DERA: variants seen among roughly 807,000 people sequenced by gnomAD.
DERA encodes 2-deoxy-D-ribose 5-phosphate aldolase.
Under a neutral mutation model 41.1 loss-of-function variants are expected in DERA, and 15 were observed. The observed-to-expected ratio is 0.37, with a 90% CI of 0.24 to 0.56. DERA has a LOEUF of 0.56. Among genes scored for constraint, DERA ranks in the 20% least tolerant of loss-of-function variants. The pLI, the probability that DERA is intolerant of heterozygous loss-of-function variation, is 0.81. For synonymous variants in DERA, 139 were observed against 137.4 expected, an observed-to-expected ratio of 1.01 and a Z score of -0.08; for missense variants, 396 against 403.4, an observed-to-expected ratio of 0.98 and a Z score of 0.16.
At position 15,938,101 on chromosome 12, in the gene DERA, A is replaced by T. The variant is rs1948381897; in HGVS notation, c.32-18835A>T. ...ACAATGAACACCTAAATATTTATTT[A>T]CTGACTTGGGTAAGAGTTGTAATAT... On this transcript the variant is annotated intron_variant, in intron 1 of 8. Transcript: ENST00000428559. The surrounding 1 kb of genome is among the most constrained non-coding windows in gnomAD (Gnocchi z 4.1). Among the ~76,000 whole-genome samples, 1 of 152,176 alleles carries T rather than the reference A, an allele frequency of 6.6e-6. No individual in the cohort carries two copies. The highest frequency in any genetic ancestry group is 1.5e-5 in the Non-Finnish European group (1 of 68,028).
rs201419659 is a variant in DERA, at chr12:15,936,799, GA to G, written c.32-20136del. Among the ~76,000 whole-genome samples the G allele has an allele frequency of 3.5e-3, 532 of 151,108 alleles. 3 individuals carry two copies. Among genetic ancestry groups the G allele is most frequent in the African/African-American group, 0.012 (507 of 41,062 alleles). On this transcript the variant is annotated intron_variant, in intron 1 of 8. Transcript: ENST00000428559. This position sits in a 1 kb window ranked among gnomAD's most constrained non-coding sequence, Gnocchi z 4.6. Reference sequence around the variant, plus strand: ...ATTGTCTCACCACCCGGATTTGTCTGATTATTTTCTAGTGATGTCATTTAAC... The same window carrying G: ...ATTGTCTCACCACCCGGATTTGTCTGTTATTTTCTAGTGATGTCATTTAAC...
Position 16,032,609 on chromosome 12 carries a change from A to T in DERA, c.705A>T (p.Val235=). The T allele has an allele frequency of 6.4e-7, 1 of 1,568,152 alleles. No individual in the cohort carries two copies. Among genetic ancestry groups the T allele is most frequent in the Non-Finnish European group, 8.7e-7 (1 of 1,155,216 alleles). ...TVNATFPVAI[V]MLRAIRDFFW... The stretch of plus-strand genomic sequence containing the variant: ...ATGCCACCTTCCCGGTAGCTATAGT[A>T]ATGCTGCGGGCCATTAGAGATTTCT... The change falls in exon 7 of 9, where the codon GTA becomes GTT. Residue 235 remains valine (V), a synonymous_variant. Coordinates refer to ENST00000428559, the MANE Select transcript of DERA (RefSeq NM_015954.4).
Position 15,996,478 on chromosome 12 carries a change from T to A in DERA, c.637+14042T>A, listed in dbSNP as rs1948838906. Reference sequence around the variant, plus strand: ...GACATACCTTGGCTTCACTCCAGTCTCTGCCTCTGTCACTAGATGGCTGTC... The same window carrying A: ...GACATACCTTGGCTTCACTCCAGTCACTGCCTCTGTCACTAGATGGCTGTC... On this transcript the variant is annotated intron_variant, in intron 6 of 8. Coordinates refer to ENST00000428559, the MANE Select transcript of DERA (RefSeq NM_015954.4). The surrounding 1 kb of genome is among the most constrained non-coding windows in gnomAD (Gnocchi z 4.7). Among the ~76,000 whole-genome samples, 1 of 152,140 alleles carries A rather than the reference T, an allele frequency of 6.6e-6. No homozygotes were observed. Among genetic ancestry groups the A allele is most frequent in the Non-Finnish European group, 1.5e-5 (1 of 68,026 alleles).
chr12:15,958,076 A>C (rs1481957331), intron 2 of DERA, 112 bp from the exon 3 acceptor site: 1 of 798,446 alleles, frequency 1.3e-6, no homozygotes, highest in East Asian at 2.8e-5. Flanking sequence ...TGTAGGCATA[A>C]GATATTAACA....
At position 15,972,947 on chromosome 12, in the gene DERA, A is replaced by G. The variant is rs573309022; in HGVS notation, c.509-9361A>G. 1.5e-4 allele frequency among the ~76,000 whole-genome samples: 23 copies of G among 152,316 alleles called. No homozygotes were observed. The highest frequency in any genetic ancestry group is 6.8e-3 in the Middle Eastern group (2 of 294). ...TCAACCTGATTTGGATGCTGTTTCA[A>G]ACATGCAGTCTGACCCCTTTCCCTC... On this transcript the variant is annotated intron_variant, in intron 5 of 8. Coordinates refer to ENST00000428559, the MANE Select transcript of DERA (RefSeq NM_015954.4). The surrounding 1 kb of genome is among the most constrained non-coding windows in gnomAD (Gnocchi z 4.4).
At chr12:15,963,567 C>T (rs1006134426) in intron 5 of DERA, among the ~76,000 whole-genome samples, 4 of 151,980 alleles carry the variant, frequency 2.6e-5, no homozygotes, top group Non-Finnish European at 5.9e-5. Context: ...TAGATTTTAC[C>T]TCTGTCTTAA....
rs1472960186 is a variant in DERA at position 15,957,674 on chromosome 12, G to C, written c.130-514G>C. ...TCCTTAGAAATATTCTGGTTGAAAA[G>C]GTAAAATAAAATTCATCAGACTGAG... On this transcript the variant is annotated intron_variant, in intron 2 of 8. Transcript: ENST00000428559. The surrounding 1 kb of genome is among the most constrained non-coding windows in gnomAD (Gnocchi z 4.8). 6.6e-5 allele frequency among the ~76,000 whole-genome samples: 10 copies of C among 151,916 alleles called. No individual in the cohort carries two copies. The highest frequency in any genetic ancestry group is 6.6e-4 in the Admixed American group (10 of 15,266).
In DERA at chr12:16,003,142, G is replaced by A. The variant is rs1218638333; in HGVS notation, c.637+20706G>A. ...TTGTGGCTCTCCCCTTACTTGCAGG[G>A]GATTGTTGCCTATCTTTGGTGTTTC... On this transcript the variant is annotated intron_variant, in intron 6 of 8. Coordinates refer to ENST00000428559, the MANE Select transcript of DERA (RefSeq NM_015954.4). This position sits in a 1 kb window ranked among gnomAD's most constrained non-coding sequence, Gnocchi z 4.8. Among the ~76,000 whole-genome samples the A allele has an allele frequency of 6.6e-6, 1 of 152,084 alleles. No individual in the cohort carries two copies. Among genetic ancestry groups the A allele is most frequent in the Non-Finnish European group, 1.5e-5 (1 of 68,020 alleles).
At chr12:16,027,070 A>T (rs543062367) in intron 6 of DERA, among the ~76,000 whole-genome samples, 2 of 152,326 alleles carry the variant, frequency 1.3e-5, no homozygotes, top group Admixed American at 6.5e-5. Context: ...GATACTGACA[A>T]GGCATCTGAC....
At chr12:16,016,486 C>G (rs1948982974) in intron 6 of DERA, among the ~76,000 whole-genome samples, 1 of 151,990 alleles carries the variant, frequency 6.6e-6, no homozygotes, top group Non-Finnish European at 1.5e-5. Context: ...CGTTAAAACC[C>G]AAAACCTTAC....
chr12:15,936,450 C>G lies in DERA; in HGVS notation c.32-20486C>G, dbSNP rs1458316053. Among the ~76,000 whole-genome samples the G allele has an allele frequency of 6.6e-6, 1 of 152,168 alleles. No individual in the cohort carries two copies. The highest frequency in any genetic ancestry group is 2.4e-5 in the African/African-American group (1 of 41,430). On this transcript the variant is annotated intron_variant, in intron 1 of 8. Coordinates refer to ENST00000428559, the MANE Select transcript of DERA (RefSeq NM_015954.4). This position sits in a 1 kb window ranked among gnomAD's most constrained non-coding sequence, Gnocchi z 4.6. ...TATAGACATTTTGGAAAACATTTTA[C>G]TATATGATCTGGCCCTTGCCGCCCT...
At chr12:15,932,849 C>T (rs148608481) in intron 1 of DERA, among the ~76,000 whole-genome samples, 5 of 151,494 alleles carry the variant, frequency 3.3e-5, no homozygotes, top group South Asian at 2.1e-4. Flanking sequence ...TCTCCCCAGT[C>T]GTCTCTCTCC....
intron 1 of DERA, among the ~76,000 whole-genome samples, chr12:15,939,872 G>A (rs1416638686): frequency 2.0e-5 from 3 of 152,134 alleles, no homozygotes; most frequent in Non-Finnish European, 4.4e-5. Flanking sequence ...AGATCAGATC[G>A]TTCTTTTATT....
chr12:15,923,870 C>G (rs1244075037), intron 1 of DERA, among the ~76,000 whole-genome samples: 4 of 152,064 alleles, frequency 2.6e-5, no homozygotes, highest in African/African-American at 9.7e-5. Flanking sequence ...TTTGGTTAAA[C>G]TTTTTCTTGT....
chr12:15,948,255 G>A (rs1470363044), intron 1 of DERA, among the ~76,000 whole-genome samples: 1 of 152,172 alleles, frequency 6.6e-6, no homozygotes, highest in Non-Finnish European at 1.5e-5. Flanking sequence ...GGCCTGCCTT[G>A]CTAGGTTGGG....
chr12:15,979,889 G>C (rs1255797799), intron 5 of DERA, among the ~76,000 whole-genome samples: 2 of 152,214 alleles, frequency 1.3e-5, no homozygotes, highest in African/African-American at 4.8e-5. Flanking sequence ...CTAGAAAAAG[G>C]ATGGTGTTTT....
In DERA at chr12:15,927,490, T is replaced by C. The variant is rs1020937156; in HGVS notation, c.31+16076T>C. 2.6e-5 allele frequency among the ~76,000 whole-genome samples: 4 copies of C among 152,336 alleles called. No individual in the cohort carries two copies. In the East Asian group the frequency reaches 7.7e-4, roughly 29 times the overall value. ...AGTTTTAATAGCAAAATTACTGTTATAATTCTCAGTAGGTCATTTAAAAAA... is the reference window on the plus strand; with the variant it reads ...AGTTTTAATAGCAAAATTACTGTTACAATTCTCAGTAGGTCATTTAAAAAA... On this transcript the variant is annotated intron_variant, in intron 1 of 8. Coordinates refer to ENST00000428559, the MANE Select transcript of DERA (RefSeq NM_015954.4).
At position 16,020,060 on chromosome 12, in the gene DERA, G is replaced by A. The variant is rs1165802847; in HGVS notation, c.638-12482G>A. ...ATGCCTGCTCTCTTTGCTTTCTGCT[G>A]TGATTGTAAGCCTCCCAGGAGCCTC... On this transcript the variant is annotated intron_variant, in intron 6 of 8. Transcript: ENST00000428559. The surrounding 1 kb of genome is among the most constrained non-coding windows in gnomAD (Gnocchi z 5.5). Among the ~76,000 whole-genome samples the A allele has an allele frequency of 2.0e-5, 3 of 152,158 alleles. No homozygotes were observed. Among genetic ancestry groups the A allele is most frequent in the African/African-American group, 7.2e-5 (3 of 41,444 alleles).
At chr12:15,987,230 CTT>C (rs995016192) in intron 6 of DERA, among the ~76,000 whole-genome samples, 13 of 85,362 alleles carry the variant, frequency 1.5e-4, no homozygotes, top group East Asian at 6.2e-4. Context: ...TATATATGTA[CTT>C]TTTTTTTTTT....
Sources: gnomAD v4.1 joint callset for allele counts (sites outside exome capture counted in the v4.1 genomes callset) on GRCh38, gnomAD v4.1.1 for gene constraint, Gnocchi (gnomAD v3.1) non-coding constraint, MANE v1.5 for transcripts, NCBI Gene and HGNC (gene_info 2026-07-23, HGNC 2026-07-21) for gene names.